Variants in SGCZ observed in about 807,000 individuals in gnomAD.
The protein encoded by SGCZ is sarcoglycan zeta.
SGCZ carries 40 observed loss-of-function variants against 41.3 expected under a neutral mutation model. The observed-to-expected ratio is 0.97, with a 90% CI of 0.75 to 1.26. The LOEUF (loss-of-function observed/expected upper bound fraction) is 1.26, where lower values mean the gene tolerates loss of function less well. SGCZ is among the 50% of genes most tolerant of loss of function. The pLI is 0.00. For synonymous variants in SGCZ, 206 were observed against 137.5 expected (o/e 1.50, Z -3.49); for missense variants, 552 against 369.8 (o/e 1.49, Z -4.04).
At chr8:14,489,367 C>T (rs947152977) in intron 2 of SGCZ, among the ~76,000 whole-genome samples, 9 of 151,706 alleles carry the variant, frequency 5.9e-5, no homozygotes, top group African/African-American at 9.7e-5. Context: ...AAATTAAGGA[C>T]GTTCTTTCTT....
intron 2 of SGCZ, among the ~76,000 whole-genome samples, chr8:14,325,872 G>A (rs1332128506): frequency 6.8e-6 from 1 of 147,120 alleles, no homozygotes; most frequent in African/African-American, 2.5e-5. Flanking sequence ...CAGTACTTCG[G>A]AACGTAGAGG....
chr8:14,856,512 G>C (rs1803550417), intron 1 of SGCZ, among the ~76,000 whole-genome samples: 1 of 152,168 alleles, frequency 6.6e-6, no homozygotes, highest in South Asian at 2.1e-4. Context: ...TTAAAACTTG[G>C]TATGAGTGAC....
intron 1 of SGCZ, among the ~76,000 whole-genome samples, chr8:14,874,955 G>A (rs75281995): frequency 1.3e-5 from 2 of 152,140 alleles, no homozygotes; most frequent in East Asian, 3.9e-4. Context: ...GACTGAGTCT[G>A]ACCTAATCAG....
rs543670862 is a variant in SGCZ, at chr8:14,882,175, G to A, written c.40-327249C>T. Among the ~76,000 whole-genome samples, 42 of 152,294 alleles carry A rather than the reference G, an allele frequency of 2.8e-4. No individual in the cohort carries two copies. In the Middle Eastern group the frequency reaches 0.01, roughly 37 times the overall value. On this transcript the variant is annotated intron_variant, in intron 1 of 7. Coordinates refer to ENST00000382080, the MANE Select transcript of SGCZ (RefSeq NM_139167.4). ...TAAGTGAATGTGAGGTCTTAGCAAA[G>A]TAGCTCCTATATCTGAGGCAATCCC...
At chr8:14,588,401 C>T (rs911053926) in intron 1 of SGCZ, among the ~76,000 whole-genome samples, 3 of 151,916 alleles carry the variant, frequency 2.0e-5, no homozygotes, top group African/African-American at 7.3e-5. Context: ...TAGGTAAACA[C>T]ATCATTTGAA....
chr8:15,138,063 C>G (rs972817247), intron 1 of SGCZ, among the ~76,000 whole-genome samples: 1 of 152,192 alleles, frequency 6.6e-6, no homozygotes, highest in African/African-American at 2.4e-5. Context: ...GGGAGTTCAC[C>G]TCTTGCATCA....
chr8:15,161,165 C>G (rs1049330549), intron 1 of SGCZ, among the ~76,000 whole-genome samples: 1 of 152,094 alleles, frequency 6.6e-6, no homozygotes, highest in African/African-American at 2.4e-5. Flanking sequence ...GGGTCCAACC[C>G]CATTGAACTC....
chr8:15,184,728 T>C (rs1800284670), intron 1 of SGCZ, among the ~76,000 whole-genome samples: 1 of 152,184 alleles, frequency 6.6e-6, no homozygotes, highest in Non-Finnish European at 1.5e-5. Context: ...TCTAAGATTT[T>C]AAATATAACC....
At chr8:14,970,218 T>C (rs1801245439) in intron 1 of SGCZ, among the ~76,000 whole-genome samples, 1 of 152,170 alleles carries the variant, frequency 6.6e-6, no homozygotes, top group South Asian at 2.1e-4. Flanking sequence ...ACTTTTGTTA[T>C]TGTTGAGTTC....
At chr8:15,193,601 G>C (rs932767292) in intron 1 of SGCZ, among the ~76,000 whole-genome samples, 2 of 151,918 alleles carry the variant, frequency 1.3e-5, no homozygotes, top group African/African-American at 4.8e-5. Flanking sequence ...GTAGAATAAA[G>C]AATTTCAACT....
intron 1 of SGCZ, among the ~76,000 whole-genome samples, chr8:14,606,857 T>C (rs189069234): frequency 4.6e-5 from 7 of 152,298 alleles, no homozygotes; most frequent in Non-Finnish European, 8.8e-5. Context: ...TGTTTGATTC[T>C]TTATGTCAAG....
intron 1 of SGCZ, among the ~76,000 whole-genome samples, chr8:14,938,692 C>A (rs1800165377): frequency 6.6e-6 from 1 of 152,054 alleles, no homozygotes; most frequent in African/African-American, 2.4e-5. Context: ...GAAATAATAC[C>A]TTTTGCAGCA....
chr8:14,912,376 TC>T (rs1799302741), intron 1 of SGCZ, among the ~76,000 whole-genome samples: 1 of 151,982 alleles, frequency 6.6e-6, no homozygotes, highest in Non-Finnish European at 1.5e-5. Context: ...TTATAAAATG[TC>T]TCCTGAGAAG....
In SGCZ at chr8:14,441,649, T is replaced by C. The variant is rs562451402; in HGVS notation, c.234+113083A>G. On this transcript the variant is annotated intron_variant, in intron 2 of 7. Coordinates refer to ENST00000382080, the MANE Select transcript of SGCZ (RefSeq NM_139167.4). Reference sequence around the variant, plus strand: ...AGTTAGAGTTCTCCTCTCAAGGCTTTTCAGATTCATATCTCAAGGGTTTGG... The same window carrying C: ...AGTTAGAGTTCTCCTCTCAAGGCTTCTCAGATTCATATCTCAAGGGTTTGG... 1.1e-4 allele frequency among the ~76,000 whole-genome samples: 16 copies of C among 152,290 alleles called. No homozygotes were observed. The East Asian group carries it at 2.1e-3, about 20-fold the overall frequency.
intron 1 of SGCZ, among the ~76,000 whole-genome samples, chr8:14,689,302 G>T (rs1334460344): frequency 6.6e-6 from 1 of 151,918 alleles, no homozygotes; most frequent in Non-Finnish European, 1.5e-5. Flanking sequence ...AAAATCACAG[G>T]CATTTGAAAA....
intron 5 of SGCZ, among the ~76,000 whole-genome samples, chr8:14,140,243 T>A (rs1423988891): frequency 1.3e-5 from 2 of 152,146 alleles, no homozygotes; most frequent in East Asian, 3.9e-4. Flanking sequence ...CTGGAAGCAT[T>A]CCCTTTGAAA....
intron 3 of SGCZ, among the ~76,000 whole-genome samples, chr8:14,316,812 G>GACACAC (rs55956388): frequency 0.016 from 2,287 of 142,460 alleles, 53 homozygotes; most frequent in African/African-American, 0.053. Flanking sequence ...ATTTATTATA[G>GACACAC]ACACACACAC....
At chr8:14,586,743 T>G (rs974160909) in intron 1 of SGCZ, among the ~76,000 whole-genome samples, 26 of 152,166 alleles carry the variant, frequency 1.7e-4, no homozygotes, top group African/African-American at 6.0e-4. Context: ...TGTATATCAC[T>G]TTCTTTTATG....
chr8:15,236,677 A>T (rs987245594), intron 1 of SGCZ, among the ~76,000 whole-genome samples: 1 of 151,460 alleles, frequency 6.6e-6, no homozygotes, highest in South Asian at 2.1e-4. Context: ...ATAAATATAT[A>T]TATTTTTTTT....
Sources: allele counts gnomAD v4.1 joint callset (sites outside exome capture counted in the v4.1 genomes callset), GRCh38; gene constraint gnomAD v4.1.1; transcripts MANE v1.5; gene names NCBI Gene and HGNC (gene_info 2026-07-23, HGNC 2026-07-21).